Variants in CEP128 observed in about 807,000 individuals in gnomAD.
CEP128 encodes the protein centrosomal protein 128kDa.
A neutral mutation model predicts 156.7 loss-of-function variants in CEP128; 132 were observed. That is an observed-to-expected ratio of 0.84 (90% CI 0.73 to 0.97). The LOEUF (loss-of-function observed/expected upper bound fraction) is 0.97. CEP128 is among the 50% of genes least tolerant of loss of function. The probability of loss-of-function intolerance (pLI) is 0.00; values close to 1 mark genes in which losing one functional copy is unlikely to be tolerated. For synonymous variants in CEP128, 469 were observed against 448.9 expected (o/e 1.04, Z -0.57); for missense variants, 1,252 against 1,281.9 (o/e 0.98, Z 0.36).
In CEP128 at chr14:80,914,479, T is replaced by A. The variant is rs904845412; in HGVS notation, c.148-71A>T. On this transcript the variant is annotated intron_variant, in intron 3 of 24. Transcript: ENST00000555265. ...TTTCCTAATCAATCTTAGTAGTATG[T>A]CAATCAACTAAGTCAACAGTTTGTA... The A allele has an allele frequency of 3.7e-6, 4 of 1,092,630 alleles. No individual in the cohort carries two copies. The African/African-American group carries it at 6.2e-5, about 17-fold the overall frequency. The allele number at this position is 1,092,630 out of a possible 1,614,324, so 67.7% of individuals were successfully genotyped here.
intron 19 of CEP128, among the ~76,000 whole-genome samples, chr14:80,669,350 A>G (rs1002579183): frequency 6.6e-6 from 1 of 152,216 alleles, no homozygotes; most frequent in Non-Finnish European, 1.5e-5. Context: ...GTACAGCATA[A>G]GAAAAATCAA....
chr14:80,725,178 T>C (rs566872110), intron 19 of CEP128, among the ~76,000 whole-genome samples: 1 of 148,654 alleles, frequency 6.7e-6, no homozygotes, highest in South Asian at 2.2e-4. Flanking sequence ...ATTCTTGTTT[T>C]CCCAATTTTT....
chr14:80,552,143 C>T (rs935965028), intron 21 of CEP128, among the ~76,000 whole-genome samples: 1 of 151,932 alleles, frequency 6.6e-6, no homozygotes, highest in African/African-American at 2.4e-5. Flanking sequence ...ACTGAAGCTA[C>T]AAAAACCAAT....
At chr14:80,796,352 C>G (rs1364854130) in intron 13 of CEP128, among the ~76,000 whole-genome samples, 1 of 151,992 alleles carries the variant, frequency 6.6e-6, no homozygotes, top group African/African-American at 2.4e-5. Context: ...CCCAGCTACT[C>G]AGGAGGCTGA....
At chr14:80,954,682 G>A (rs1486560599) in intron 2 of CEP128, among the ~76,000 whole-genome samples, 1 of 152,184 alleles carries the variant, frequency 6.6e-6, no homozygotes. Flanking sequence ...ATCCCAAGAG[G>A]AATAAGTGAT....
intron 9 of CEP128, among the ~76,000 whole-genome samples, chr14:80,849,218 T>C (rs1886766023): frequency 6.6e-6 from 1 of 152,216 alleles, no homozygotes; most frequent in Non-Finnish European, 1.5e-5. Context: ...TTTATCAAGA[T>C]GGTTATCTAT....
At chr14:80,703,817 A>C (rs2139374272) in intron 19 of CEP128, among the ~76,000 whole-genome samples, 1 of 152,158 alleles carries the variant, frequency 6.6e-6, no homozygotes, top group Admixed American at 6.6e-5. Flanking sequence ...GTGTGTATTT[A>C]GTTTCATGCA....
chr14:80,544,534 A>AACCTCATG (rs1362631191), intron 21 of CEP128, among the ~76,000 whole-genome samples: 1 of 152,170 alleles, frequency 6.6e-6, no homozygotes, highest in Admixed American at 6.6e-5. Context: ...TGCAGGCTCC[A>AACCTCATG]ACCTCATGAC....
Position 80,550,812 on chromosome 14 carries a change from T to TAAA in CEP128, c.2880+8464_2880+8466dup, listed in dbSNP as rs35063739. ...GAGAAAGATTATTAAATGTGAAATG[T>TAAA]AAAAAAAAAAAAAAAAAATCCAAAG... On this transcript the variant is annotated intron_variant, in intron 21 of 24. Transcript: ENST00000555265. Among the ~76,000 whole-genome samples, 56 of 137,168 alleles carry TAAA rather than the reference T, an allele frequency of 4.1e-4. 1 individual carries two copies. The highest frequency in any genetic ancestry group is 1.4e-3 in the African/African-American group (55 of 38,974). 90.0% of individuals were successfully genotyped at this position (137,168 alleles called of 152,430 possible). A position where few individuals can be genotyped will look rare whatever the true frequency, so the allele number is the denominator to read the frequency against.
At chr14:80,885,544 T>C (rs758202220) in intron 8 of CEP128, among the ~76,000 whole-genome samples, 122 of 151,960 alleles carry the variant, frequency 8.0e-4, no homozygotes, top group Non-Finnish European at 1.0e-3. Context: ...GGTCTGACTG[T>C]GAGAAGGAAA....
At position 80,742,940 on chromosome 14, in the gene CEP128, A is replaced by G. The variant is rs977093042; in HGVS notation, c.2806+135T>C. The stretch of plus-strand genomic sequence containing the variant: ...GTCCCAGAAATGAAGAAAGATAAGA[A>G]GACAAAGACAAGAAAAGGAGATGGG... On this transcript the variant is annotated intron_variant, in intron 19 of 24. Transcript: ENST00000555265. 25 of 719,510 alleles carry G rather than the reference A, an allele frequency of 3.5e-5. 1 individual carries two copies. In the East Asian group the frequency reaches 6.6e-4, roughly 19 times the overall value. The allele number at this position is 719,510 out of a possible 1,614,324, so 44.6% of individuals were successfully genotyped here. A position where few individuals can be genotyped will look rare whatever the true frequency, so the allele number is the denominator to read the frequency against.
chr14:80,813,687 A>G (rs1043094619), intron 13 of CEP128, among the ~76,000 whole-genome samples: 1 of 152,194 alleles, frequency 6.6e-6, no homozygotes, highest in Non-Finnish European at 1.5e-5. Flanking sequence ...ACTTTAAACC[A>G]TATTAACACA....
At chr14:80,678,111 G>A (rs1896164894) in intron 19 of CEP128, among the ~76,000 whole-genome samples, 2 of 144,030 alleles carry the variant, frequency 1.4e-5, no homozygotes, top group Non-Finnish European at 3.0e-5. Flanking sequence ...GCTGAAGTTA[G>A]GAAGAACTGC....
intron 19 of CEP128, among the ~76,000 whole-genome samples, chr14:80,593,144 G>A (rs1282911218): frequency 1.3e-5 from 2 of 152,126 alleles, no homozygotes; most frequent in South Asian, 2.1e-4. Context: ...TGGAAGTTCT[G>A]GCCAGGGCAA....
chr14:80,781,853 T>A (rs187056640), intron 15 of CEP128, among the ~76,000 whole-genome samples: 15 of 152,360 alleles, frequency 9.8e-5, no homozygotes, highest in South Asian at 2.1e-4. Flanking sequence ...CTTACAGAGA[T>A]GATCTTGAAC....
chr14:80,735,957 T>C (rs1030492341), intron 19 of CEP128, among the ~76,000 whole-genome samples: 6 of 152,166 alleles, frequency 3.9e-5, no homozygotes, highest in African/African-American at 1.2e-4. Context: ...TAATCTCATC[T>C]CTAGAACCTT....
At chr14:80,540,748 G>T (rs959659059) in intron 21 of CEP128, among the ~76,000 whole-genome samples, 2 of 152,092 alleles carry the variant, frequency 1.3e-5, no homozygotes, top group African/African-American at 2.4e-5. Context: ...AGGGGAAGAT[G>T]GGCATCTTAC....
intron 13 of CEP128, among the ~76,000 whole-genome samples, chr14:80,810,323 C>CAAAAAAAAAAAAAAAAAAAA (rs71103883): frequency 5.3e-4 from 8 of 15,204 alleles, no homozygotes; most frequent in Non-Finnish European, 7.9e-4. Context: ...ACTCCATCTC[C>CAAAAAAAAAAAAAAAAAAAA]AAAAAAAAAA....
At chr14:80,756,555 T>C (rs1899669089) in intron 18 of CEP128, among the ~76,000 whole-genome samples, 1 of 152,186 alleles carries the variant, frequency 6.6e-6, no homozygotes, top group African/African-American at 2.4e-5. Flanking sequence ...GCTGGTAGCA[T>C]CATACCCTCC....
Sources: allele counts gnomAD v4.1 joint callset (sites outside exome capture counted in the v4.1 genomes callset), GRCh38; gene constraint gnomAD v4.1.1; transcripts MANE v1.5; gene names NCBI Gene and HGNC (gene_info 2026-07-23, HGNC 2026-07-21).